SMARCC1: variants seen among roughly 807,000 people sequenced by gnomAD.
SMARCC1 encodes the protein SWI/SNF related BAF chromatin remodeling complex subunit C1.
A neutral mutation model predicts 147.4 loss-of-function variants in SMARCC1; 43 were observed. The observed-to-expected ratio is 0.29, with a 90% confidence interval of 0.23 to 0.38. The LOEUF is 0.38. SMARCC1 is among the 10% of genes least tolerant of loss of function. The pLI is 1.00. For synonymous variants in SMARCC1, 495 were observed against 484.4 expected (o/e 1.02, Z -0.29); for missense variants, 1,119 against 1,381.1 (o/e 0.81, Z 3.01).
intron 3 of SMARCC1, among the ~76,000 whole-genome samples, chr3:47,742,716 G>T (rs979213575): frequency 9.9e-5 from 15 of 152,104 alleles, no homozygotes; most frequent in Non-Finnish European, 2.2e-4. Flanking sequence ...CGGAGTAGCT[G>T]GGACTATAGG....
rs1207250093 is a variant in SMARCC1, at chr3:47,765,280, G to A, written c.315+7537C>T. On this transcript the variant is annotated intron_variant, in intron 2 of 27. Transcript: ENST00000254480. ...AACAAAAACATACAAAAAAAAAAACGGCAAGGAAAAGATTATCTGTGGGGA... is the reference window on the plus strand; with the variant it reads ...AACAAAAACATACAAAAAAAAAAACAGCAAGGAAAAGATTATCTGTGGGGA... Among the ~76,000 whole-genome samples the A allele has an allele frequency of 2.6e-5, 4 of 151,472 alleles. No individual in the cohort carries two copies. The East Asian group carries it at 5.8e-4, about 22-fold the overall frequency.
At chr3:47,633,504 G>T (rs919269415) in intron 24 of SMARCC1, among the ~76,000 whole-genome samples, 72 of 151,838 alleles carry the variant, frequency 4.7e-4, no homozygotes, top group African/African-American at 1.4e-3. Flanking sequence ...AGCACTTTGG[G>T]AGGCTGAGGC....
intron 1 of SMARCC1, among the ~76,000 whole-genome samples, chr3:47,774,664 G>A (rs918716128): frequency 2.0e-5 from 3 of 151,916 alleles, no homozygotes; most frequent in Non-Finnish European, 4.4e-5. Context: ...TGATCCACCC[G>A]CCTCAGCCTC....
Position 47,781,886 on chromosome 3 carries a change from C to T in SMARCC1, c.-89G>A, listed in dbSNP as rs902661198. 1.5e-5 allele frequency: 13 copies of T among 874,864 alleles called. No individual in the cohort carries two copies. Among genetic ancestry groups the T allele is most frequent in the Non-Finnish European group, 1.8e-5 (12 of 660,280 alleles). The allele number at this position is 874,864 out of a possible 1,614,324, so 54.2% of individuals were successfully genotyped here. ...CCCGCGCGCACCCCCGCGCGCGTAG[C>T]CGCCACTGCCGCTTCCCGGCCCCGC... On this transcript the variant is annotated 5_prime_UTR_variant, in exon 1 of 28. Coordinates refer to ENST00000254480, the MANE Select transcript of SMARCC1 (RefSeq NM_003074.4).
chr3:47,654,811 G>A (rs1182073086), intron 21 of SMARCC1, among the ~76,000 whole-genome samples: 1 of 152,118 alleles, frequency 6.6e-6, no homozygotes, highest in East Asian at 1.9e-4. Context: ...GAGTGAGAGT[G>A]GAAACTCATT....
chr3:47,658,551 C>CAAAAA (rs1427325446), intron 21 of SMARCC1, among the ~76,000 whole-genome samples: 1 of 152,202 alleles, frequency 6.6e-6, no homozygotes, highest in Non-Finnish European at 1.5e-5. Flanking sequence ...ACTGGCTTTT[C>CAAAAA]ACTTACCAAA....
rs1207586147 is a variant in SMARCC1 at position 47,781,827 on chromosome 3, C to G, written c.-30G>C. The G allele has an allele frequency of 7.6e-7, 1 of 1,308,158 alleles. No homozygotes were observed. Among genetic ancestry groups the G allele is most frequent in the Admixed American group, 4.2e-5 (1 of 23,822 alleles). The allele number at this position is 1,308,158 out of a possible 1,614,324, so 81.0% of individuals were successfully genotyped here. A position where few individuals can be genotyped will look rare whatever the true frequency, so the allele number is the denominator to read the frequency against. On this transcript the variant is annotated 5_prime_UTR_variant, in exon 1 of 28. Coordinates refer to ENST00000254480, the MANE Select transcript of SMARCC1 (RefSeq NM_003074.4). ...GCAGCCCGTCGTCCCCACAGCCTGGCCCACCCCGGCCCTCGCGGTGTTTCC... is the reference window on the plus strand; with the variant it reads ...GCAGCCCGTCGTCCCCACAGCCTGGGCCACCCCGGCCCTCGCGGTGTTTCC...
At chr3:47,752,924 T>C (rs1481286341) in intron 2 of SMARCC1, among the ~76,000 whole-genome samples, 1 of 152,210 alleles carries the variant, frequency 6.6e-6, no homozygotes, top group African/African-American at 2.4e-5. Context: ...CAATTGCTTT[T>C]AATAAACAAT....
chr3:47,691,610 G>C (rs1280026751), intron 12 of SMARCC1, among the ~76,000 whole-genome samples: 2 of 152,024 alleles, frequency 1.3e-5, no homozygotes, highest in Non-Finnish European at 2.9e-5. Flanking sequence ...GCGAGACTTT[G>C]TCTCAAAACA....
chr3:47,771,154 C>T (rs1028236004), intron 2 of SMARCC1, among the ~76,000 whole-genome samples: 2 of 152,120 alleles, frequency 1.3e-5, no homozygotes, highest in African/African-American at 2.4e-5. Context: ...CGTGATCCGC[C>T]CACCTCAGCC....
chr3:47,596,208 TG>T (rs2032277556), intron 26 of SMARCC1, among the ~76,000 whole-genome samples: 1 of 152,198 alleles, frequency 6.6e-6, no homozygotes, highest in Non-Finnish European at 1.5e-5. Flanking sequence ...TGAAAGGTTC[TG>T]AAAAGAAGAG....
At chr3:47,599,965 A>G (rs1376624725) in intron 26 of SMARCC1, among the ~76,000 whole-genome samples, 4 of 152,198 alleles carry the variant, frequency 2.6e-5, no homozygotes, top group Non-Finnish European at 4.4e-5. Context: ...CTATCTGCTC[A>G]GTGGCAGTGG....
At chr3:47,751,411 G>A (rs1160237206) in intron 2 of SMARCC1, among the ~76,000 whole-genome samples, 3 of 151,920 alleles carry the variant, frequency 2.0e-5, no homozygotes, top group Non-Finnish European at 4.4e-5. Flanking sequence ...CATGGTGGCA[G>A]GCACCTGTAG....
chr3:47,716,270 T>C (rs2034154157), intron 7 of SMARCC1, among the ~76,000 whole-genome samples: 1 of 151,386 alleles, frequency 6.6e-6, no homozygotes, highest in South Asian at 2.1e-4. Flanking sequence ...ATACAAAAAT[T>C]AGCGGGGCGT....
At chr3:47,620,981 C>T (rs2032722461) in intron 25 of SMARCC1, among the ~76,000 whole-genome samples, 1 of 151,998 alleles carries the variant, frequency 6.6e-6, no homozygotes, top group African/African-American at 2.4e-5. Flanking sequence ...CCCAGTAATC[C>T]CATTACTGGG....
chr3:47,689,782 GT>G (rs2033768523), intron 12 of SMARCC1, among the ~76,000 whole-genome samples: 2 of 152,148 alleles, frequency 1.3e-5, no homozygotes, highest in South Asian at 4.1e-4. Context: ...GAAGAAGTGA[GT>G]AAAGAATGAT....
chr3:47,703,953 C>G (rs1402182003), intron 10 of SMARCC1, among the ~76,000 whole-genome samples: 1 of 152,096 alleles, frequency 6.6e-6, no homozygotes, highest in Non-Finnish European at 1.5e-5. Flanking sequence ...CCTGCCACCA[C>G]ACCCGGCTAA....
chr3:47,777,123 C>T (rs983873099), intron 1 of SMARCC1, among the ~76,000 whole-genome samples: 5 of 150,642 alleles, frequency 3.3e-5, no homozygotes. Context: ...GCTCTGTCAC[C>T]TAGGCTGGAG....
intron 7 of SMARCC1, among the ~76,000 whole-genome samples, chr3:47,716,263 C>A (rs1029771667): frequency 4.0e-5 from 6 of 151,374 alleles, no homozygotes; most frequent in African/African-American, 1.5e-4. Flanking sequence ...TTAAAAAATA[C>A]AAAAATTAGC....
Sources: gnomAD v4.1 joint callset for allele counts (sites outside exome capture counted in the v4.1 genomes callset) on GRCh38, gnomAD v4.1.1 for gene constraint, MANE v1.5 for transcripts, NCBI Gene and HGNC (gene_info 2026-07-23, HGNC 2026-07-21) for gene names.